AGMO: variants seen among roughly 807,000 people sequenced by gnomAD.
AGMO encodes alkylglycerol monooxygenase.
Under a neutral mutation model 60.2 loss-of-function variants are expected in AGMO, and 75 were observed. That is an observed-to-expected ratio of 1.25 (90% confidence interval 1.03 to 1.51). The LOEUF is 1.51. Among genes scored for constraint, AGMO ranks in the 40% most tolerant of loss-of-function variants. AGMO has a pLI of 0.00. For synonymous variants in AGMO, 261 were observed against 177.1 expected (o/e 1.47, Z -3.76); for missense variants, 763 against 525.5 (o/e 1.45, Z -4.42).
intron 12 of AGMO, among the ~76,000 whole-genome samples, chr7:15,343,807 G>C (rs1563098538): frequency 6.6e-6 from 1 of 152,138 alleles, no homozygotes; most frequent in Non-Finnish European, 1.5e-5. Flanking sequence ...AAGGGAAGCA[G>C]AGAGATTCAT....
intron 3 of AGMO, among the ~76,000 whole-genome samples, chr7:15,447,493 T>C (rs538762527): frequency 1.6e-4 from 24 of 152,244 alleles, no homozygotes; most frequent in Admixed American, 6.5e-4. Flanking sequence ...AAGCAAGACA[T>C]TCAGAAGCTG....
intron 12 of AGMO, among the ~76,000 whole-genome samples, chr7:15,289,367 T>C (rs1784191958): frequency 6.6e-6 from 1 of 151,900 alleles, no homozygotes; most frequent in South Asian, 2.1e-4. Flanking sequence ...GATTCCGAGT[T>C]TGTTTTCTAA....
intron 12 of AGMO, among the ~76,000 whole-genome samples, chr7:15,309,472 T>C (rs563445597): frequency 6.6e-6 from 1 of 152,300 alleles, no homozygotes; most frequent in Non-Finnish European, 1.5e-5. Flanking sequence ...TCCAGTGCCC[T>C]ATTGAAATGT....
chr7:15,195,382 A>T (rs966767076), downstream of AGMO, among the ~76,000 whole-genome samples: 3 of 152,220 alleles, frequency 2.0e-5, no homozygotes, highest in Admixed American at 2.0e-4. Flanking sequence ...GGTAAAGTGC[A>T]CAGGGTTGTA....
At chr7:15,351,880 A>T (rs1470909572) in intron 12 of AGMO, among the ~76,000 whole-genome samples, 1 of 149,812 alleles carries the variant, frequency 6.7e-6, no homozygotes, top group African/African-American at 2.4e-5. Flanking sequence ...GATGAATAGC[A>T]CTATGGATTA....
intron 5 of AGMO, among the ~76,000 whole-genome samples, chr7:15,406,400 C>A: frequency 7.5e-6 from 1 of 133,298 alleles, no homozygotes; most frequent in African/African-American, 2.9e-5. Context: ...ATATGTATTC[C>A]ATATGTGTAT....
intron 3 of AGMO, among the ~76,000 whole-genome samples, chr7:15,436,597 T>C (rs1781411108): frequency 1.3e-5 from 2 of 152,018 alleles, no homozygotes; most frequent in Non-Finnish European, 2.9e-5. Flanking sequence ...GCTGCATGAG[T>C]CTAGAAATTA....
intron 12 of AGMO, among the ~76,000 whole-genome samples, chr7:15,298,206 G>C (rs1784458448): frequency 6.6e-6 from 1 of 152,184 alleles, no homozygotes; most frequent in Middle Eastern, 3.4e-3. Context: ...CCTTATAATT[G>C]TATTAATGTG....
At chr7:15,373,013 C>T (rs867801589) in intron 10 of AGMO, among the ~76,000 whole-genome samples, 1 of 152,106 alleles carries the variant, frequency 6.6e-6, no homozygotes, top group Non-Finnish European at 1.5e-5. Flanking sequence ...CCTATAATCC[C>T]AGCACTTTGG....
intron 3 of AGMO, among the ~76,000 whole-genome samples, chr7:15,467,856 C>T (rs192239319): frequency 2.6e-5 from 4 of 152,102 alleles, no homozygotes; most frequent in Admixed American, 1.3e-4. Context: ...TCATATGCCC[C>T]GGTTTTAGGG....
chr7:15,292,969 G>C (rs1403004186), intron 12 of AGMO, among the ~76,000 whole-genome samples: 1 of 151,608 alleles, frequency 6.6e-6, no homozygotes, highest in Admixed American at 6.6e-5. Flanking sequence ...CACCTCGTTA[G>C]CCAAGCTGGT....
intron 3 of AGMO, among the ~76,000 whole-genome samples, chr7:15,512,411 C>A (rs999687030): frequency 6.6e-6 from 1 of 152,124 alleles, no homozygotes; most frequent in Non-Finnish European, 1.5e-5. Flanking sequence ...TACCACCATG[C>A]CTGGCTAATG....
At position 15,561,834 on chromosome 7, in the gene AGMO, T is replaced by C. The variant is rs111236307; in HGVS notation, c.12A>G (p.Pro4=). 3.1e-6 allele frequency: 5 copies of C among 1,604,780 alleles called. No homozygotes were observed. The highest frequency in any genetic ancestry group is 2.7e-5 in the African/African-American group (2 of 74,526). The change falls in exon 1 of 13, where the codon CCA becomes CCG. Residue 4 remains proline (P), a synonymous_variant. Coordinates refer to ENST00000342526, the MANE Select transcript of AGMO (RefSeq NM_001004320.2). MKN[P]EAQQDVSVSQ... is the part of the protein sequence containing the mutation. ...AAACTGAAACATCCTGCTGGGCTTC[T>C]GGGTTCTTCATTTCTGCCCTTGTCT...
intron 3 of AGMO, among the ~76,000 whole-genome samples, chr7:15,433,686 C>G (rs1781320275): frequency 6.6e-6 from 1 of 151,868 alleles, no homozygotes; most frequent in African/African-American, 2.4e-5. Context: ...TTAGAATAAG[C>G]TTCTCTCTGT....
At chr7:15,367,883 C>G (rs1783047497) in intron 10 of AGMO, among the ~76,000 whole-genome samples, 1 of 152,056 alleles carries the variant, frequency 6.6e-6, no homozygotes, top group Admixed American at 6.6e-5. Context: ...CACCTATTAG[C>G]TAATATCCTT....
chr7:15,552,794 C>G (rs1489180948), intron 2 of AGMO, among the ~76,000 whole-genome samples: 1 of 149,658 alleles, frequency 6.7e-6, no homozygotes, highest in African/African-American at 2.4e-5. Flanking sequence ...CTAGAAATAC[C>G]ATTTGACCCA....
At chr7:15,393,452 A>T (rs1379947684) in intron 6 of AGMO, among the ~76,000 whole-genome samples, 1 of 152,206 alleles carries the variant, frequency 6.6e-6, no homozygotes, top group Non-Finnish European at 1.5e-5. Context: ...TACATGTATA[A>T]TATAAGATTT....
rs547364778 is a variant in AGMO at position 15,469,047 on chromosome 7, G to C, written c.410-37939C>G. Among the ~76,000 whole-genome samples the C allele has an allele frequency of 5.9e-5, 9 of 152,154 alleles. No individual in the cohort carries two copies. In the South Asian group the frequency reaches 1.5e-3, roughly 25 times the overall value. On this transcript the variant is annotated intron_variant, in intron 3 of 12. Coordinates refer to ENST00000342526, the MANE Select transcript of AGMO (RefSeq NM_001004320.2). ...TTTAAACTCAGAACATATTTAGGAA[G>C]TAAGATTTTTAATGTGGGAATGTAC...
At chr7:15,163,987 C>A in the AGMO span, among the ~76,000 whole-genome samples, 5 of 151,912 alleles carry the variant, frequency 3.3e-5, no homozygotes, top group African/African-American at 7.3e-5. Context: ...TGGGAGATTT[C>A]TTATTACTGG....
Sources: gnomAD v4.1 joint callset for allele counts (sites outside exome capture counted in the v4.1 genomes callset) on GRCh38, gnomAD v4.1.1 for gene constraint, MANE v1.5 for transcripts, NCBI Gene and HGNC (gene_info 2026-07-23, HGNC 2026-07-21) for gene names.